The following PEX14 variants were observed in gnomAD, a reference collection of about 807,000 sequenced individuals.
PEX14 encodes peroxisomal membrane protein PEX14.
A neutral mutation model predicts 49.5 loss-of-function variants in PEX14; 15 were observed. The ratio of observed to expected loss-of-function variants is 0.30; its 90% CI spans 0.20 to 0.47. The LOEUF is 0.47. Ranked by LOEUF, PEX14 falls within the 20% of genes least tolerant of loss-of-function variation. The probability of loss-of-function intolerance (pLI) is 1.00; values close to 1 mark genes in which losing one functional copy is unlikely to be tolerated. For missense variants in PEX14, 398 were observed against 494.8 expected, an observed-to-expected ratio of 0.80 and a Z score of 1.86; for synonymous variants, 210 against 212.7, an observed-to-expected ratio of 0.99 and a Z score of 0.11.
chr1:10,482,783 T>C (rs945354269), intron 1 of PEX14, among the ~76,000 whole-genome samples: 11 of 152,234 alleles, frequency 7.2e-5, no homozygotes, highest in African/African-American at 2.7e-4. Flanking sequence ...TTAGGGTCAT[T>C]ACAAATAGTA....
At chr1:10,568,384 T>G (rs560698557) in intron 3 of PEX14, among the ~76,000 whole-genome samples, 1 of 147,594 alleles carries the variant, frequency 6.8e-6, no homozygotes. Flanking sequence ...TCTTGTATTC[T>G]TATTGTATTA....
At chr1:10,621,649 A>G (rs918086821) in intron 5 of PEX14, among the ~76,000 whole-genome samples, 2 of 152,138 alleles carry the variant, frequency 1.3e-5, no homozygotes, top group East Asian at 1.9e-4. Flanking sequence ...CCGGCCAAGA[A>G]TTCTTTACCT....
intron 3 of PEX14, among the ~76,000 whole-genome samples, chr1:10,554,015 C>T (rs577454560): frequency 3.3e-5 from 5 of 151,578 alleles, no homozygotes; most frequent in Non-Finnish European, 5.9e-5. Flanking sequence ...GTGGGCCGGG[C>T]GCGGTGGCTC....
intron 2 of PEX14, among the ~76,000 whole-genome samples, chr1:10,520,034 T>C (rs1638228465): frequency 6.6e-6 from 1 of 152,106 alleles, no homozygotes; most frequent in Non-Finnish European, 1.5e-5. Flanking sequence ...TGACAGGGTC[T>C]CACTTTGTTG....
rs116637004 is a variant in PEX14 at position 10,597,863 on chromosome 1, T to C, written c.170-1375T>C. 0.01 allele frequency among the ~76,000 whole-genome samples: 1,531 copies of C among 152,338 alleles called. 9 individuals are homozygous for C. The highest frequency in any genetic ancestry group is 0.017 in the Non-Finnish European group (1,170 of 68,022). On this transcript the variant is annotated intron_variant, in intron 3 of 8. Coordinates refer to ENST00000356607, the MANE Select transcript of PEX14 (RefSeq NM_004565.3). The surrounding 1 kb of genome is among the most constrained non-coding windows in gnomAD (Gnocchi z 5.7). The stretch of plus-strand genomic sequence containing the variant: ...GTTCGGGCATTTTCCTTTGACTAGC[T>C]GTGGTAGGGCATGAAAAGTTTGAGG...
intron 2 of PEX14, among the ~76,000 whole-genome samples, chr1:10,530,274 A>G (rs868691203): frequency 1.3e-5 from 2 of 152,254 alleles, no homozygotes; most frequent in Non-Finnish European, 2.9e-5. Context: ...AGGAAAATGA[A>G]TAGGTGTTGA....
rs181415426 is a variant in PEX14, at chr1:10,563,338, G to A, written c.169+27041G>A. On this transcript the variant is annotated intron_variant, in intron 3 of 8. Coordinates refer to ENST00000356607, the MANE Select transcript of PEX14 (RefSeq NM_004565.3). Reference sequence around the variant, plus strand: ...TTTCAGGCCGGGCGCGGTTGCTCACGCCTGTAATCCCAGCACTTTGGGAGG... The same window carrying A: ...TTTCAGGCCGGGCGCGGTTGCTCACACCTGTAATCCCAGCACTTTGGGAGG... Among the ~76,000 whole-genome samples the A allele has an allele frequency of 1.2e-3, 177 of 146,200 alleles. 4 individuals carry two copies. The East Asian group carries it at 0.026, about 21-fold the overall frequency.
At chr1:10,528,425 A>G (rs988922445) in intron 2 of PEX14, 3 of 297,868 alleles carry the variant, frequency 1.0e-5, no homozygotes, top group Non-Finnish European at 1.5e-5. Context: ...AGACTAGGAA[A>G]TAGAGGCAGT....
At chr1:10,502,616 T>G (rs1489486365) in intron 2 of PEX14, among the ~76,000 whole-genome samples, 1 of 152,082 alleles carries the variant, frequency 6.6e-6, no homozygotes, top group Non-Finnish European at 1.5e-5. Context: ...TGTTTGTACT[T>G]TAGGTTCCTG....
chr1:10,518,230 T>C (rs934959779), intron 2 of PEX14, among the ~76,000 whole-genome samples: 1 of 152,154 alleles, frequency 6.6e-6, no homozygotes, highest in South Asian at 2.1e-4. Context: ...TAATTAAGCA[T>C]GGCTAATTTG....
At chr1:10,525,164 G>A (rs958236175) in intron 2 of PEX14, among the ~76,000 whole-genome samples, 11 of 152,066 alleles carry the variant, frequency 7.2e-5, no homozygotes, top group Non-Finnish European at 1.0e-4. Context: ...TTTCTTAATT[G>A]GGGTTTATCA....
intron 4 of PEX14, among the ~76,000 whole-genome samples, chr1:10,608,253 G>A (rs913136746): frequency 6.6e-5 from 10 of 152,294 alleles, no homozygotes; most frequent in East Asian, 3.9e-4. Flanking sequence ...GTTAATTTTC[G>A]TGAATGGTGT....
intron 2 of PEX14, among the ~76,000 whole-genome samples, chr1:10,517,795 G>A (rs139585049): frequency 6.6e-6 from 1 of 151,630 alleles, no homozygotes; most frequent in African/African-American, 2.4e-5. Context: ...AAGATGCTTA[G>A]TTTTTGAGGA....
chr1:10,498,662 C>T (rs1032247988), intron 2 of PEX14, among the ~76,000 whole-genome samples: 11 of 152,176 alleles, frequency 7.2e-5, no homozygotes, highest in South Asian at 2.1e-4. Context: ...CAACATTGAC[C>T]GTCTCAGAGG....
Position 10,567,309 on chromosome 1 carries a change from C to A in PEX14, c.169+31012C>A, listed in dbSNP as rs1402954461. Among the ~76,000 whole-genome samples the A allele has an allele frequency of 2.0e-5, 3 of 152,146 alleles. 1 individual carries two copies. Among genetic ancestry groups the A allele is most frequent in the Non-Finnish European group, 4.4e-5 (3 of 68,026 alleles). The stretch of plus-strand genomic sequence containing the variant: ...ATGAAGCTTTATCCTATGTTAACTT[C>A]CTGTATATATCTGGACGTACTCTGT... On this transcript the variant is annotated intron_variant, in intron 3 of 8. Coordinates refer to ENST00000356607, the MANE Select transcript of PEX14 (RefSeq NM_004565.3).
intron 3 of PEX14, among the ~76,000 whole-genome samples, chr1:10,560,286 A>G (rs980720700): frequency 2.6e-5 from 4 of 152,066 alleles, no homozygotes; most frequent in Non-Finnish European, 5.9e-5. Flanking sequence ...TGAACTCCCA[A>G]CATCAGGTGA....
chr1:10,487,740 C>T (rs1379980730), intron 1 of PEX14, among the ~76,000 whole-genome samples: 2 of 151,996 alleles, frequency 1.3e-5, no homozygotes, highest in Non-Finnish European at 2.9e-5. Context: ...ACCTCGGCCT[C>T]CCAAAGTGCT....
intron 1 of PEX14, among the ~76,000 whole-genome samples, chr1:10,479,888 T>A (rs1641254680): frequency 6.6e-6 from 1 of 152,190 alleles, no homozygotes. Context: ...TTCCAGCTAC[T>A]CAGGAGACTG....
At chr1:10,617,959 C>T (rs1275597360) in intron 4 of PEX14, among the ~76,000 whole-genome samples, 1 of 152,116 alleles carries the variant, frequency 6.6e-6, no homozygotes, top group Non-Finnish European at 1.5e-5. Flanking sequence ...TATTTATGCT[C>T]CCCTAAACAT....
Sources: gnomAD v4.1 joint callset for allele counts (sites outside exome capture counted in the v4.1 genomes callset) on GRCh38, gnomAD v4.1.1 for gene constraint, Gnocchi (gnomAD v3.1) non-coding constraint, MANE v1.5 for transcripts, NCBI Gene and HGNC (gene_info 2026-07-23, HGNC 2026-07-21) for gene names.